Variants in ZFPM2 observed in about 807,000 individuals in gnomAD.
The protein encoded by ZFPM2 is zinc finger protein, FOG family member 2, also known as zinc finger protein ZFPM2.
Under a neutral mutation model 98.6 loss-of-function variants are expected in ZFPM2, and 20 were observed. That is an observed-to-expected ratio of 0.20 (90% CI 0.14 to 0.29). The LOEUF (loss-of-function observed/expected upper bound fraction) is 0.29, where lower values mean the gene tolerates loss of function less well. Ranked by LOEUF, ZFPM2 falls within the 10% of genes least tolerant of loss-of-function variation. The pLI is 1.00. For synonymous variants in ZFPM2, 518 were observed against 502.7 expected (o/e 1.03, Z -0.41); for missense variants, 1,310 against 1,388.6 (o/e 0.94, Z 0.90).
At chr8:105,798,605 G>C in intron 6 of ZFPM2, 119 bp from the exon 7 acceptor site, 1 of 775,176 alleles carries the variant, frequency 1.3e-6, no homozygotes, top group Non-Finnish European at 2.1e-6. Context: ...TTACTCATCT[G>C]ATTGCCCAAT....
intron 1 of ZFPM2, among the ~76,000 whole-genome samples, chr8:105,405,962 G>A (rs1811448251): frequency 6.6e-6 from 1 of 152,040 alleles, no homozygotes; most frequent in African/African-American, 2.4e-5. Flanking sequence ...ACTTTTTAAT[G>A]ATCGCCATTC....
At chr8:105,319,023 C>T (rs1448824114) in intron 1 of ZFPM2, 42 bp downstream of exon 1, 7 of 1,480,776 alleles carry the variant, frequency 4.7e-6, no homozygotes, top group South Asian at 2.6e-5. Flanking sequence ...GGATTATTGC[C>T]CAGGAGCGGG....
At chr8:105,797,442 T>C (rs1267932568) in intron 6 of ZFPM2, among the ~76,000 whole-genome samples, 1 of 152,232 alleles carries the variant, frequency 6.6e-6, no homozygotes, top group Non-Finnish European at 1.5e-5. Context: ...TCCACTGCTA[T>C]GATTCTGATT....
intron 3 of ZFPM2, among the ~76,000 whole-genome samples, chr8:105,520,532 A>G (rs939442695): frequency 6.6e-6 from 1 of 152,160 alleles, no homozygotes; most frequent in Non-Finnish European, 1.5e-5. Flanking sequence ...CATTGTGGGT[A>G]CACGCTCACA....
At chr8:105,379,833 T>C (rs558033466) in intron 1 of ZFPM2, among the ~76,000 whole-genome samples, 1 of 152,248 alleles carries the variant, frequency 6.6e-6, no homozygotes, top group East Asian at 1.9e-4. Context: ...CAATATTAAT[T>C]TTCTTTTTTG....
At chr8:105,504,988 T>A (rs1055975395) in intron 3 of ZFPM2, among the ~76,000 whole-genome samples, 10 of 152,146 alleles carry the variant, frequency 6.6e-5, no homozygotes, top group African/African-American at 2.4e-4. Context: ...GAAACAAACA[T>A]ATTTGACTAT....
In ZFPM2 at chr8:105,801,897, C is replaced by T; in HGVS notation, c.1815C>T (p.Asn605=). 6.2e-7 allele frequency: 1 copy of T among 1,613,946 alleles called. No individual in the cohort carries two copies. The highest frequency in any genetic ancestry group is 8.5e-7 in the Non-Finnish European group (1 of 1,179,876). The part of the protein sequence containing the change: ...LSPNTGQTSI[N]LLNPAAHSAD... ...CCAACACTGGCCAAACCTCCATAAACCTTCTCAACCCAGCTGCTCATTCTG... is the reference window on the plus strand; with the variant it reads ...CCAACACTGGCCAAACCTCCATAAATCTTCTCAACCCAGCTGCTCATTCTG... Residue 605 remains asparagine (N), a synonymous_variant, in exon 8 of 8, where the codon AAC becomes AAT. Coordinates refer to ENST00000407775, the MANE Select transcript of ZFPM2 (RefSeq NM_012082.4).
intron 1 of ZFPM2, among the ~76,000 whole-genome samples, chr8:105,330,620 A>ACG (rs1406852097): frequency 5.7e-5 from 3 of 52,282 alleles, no homozygotes; most frequent in African/African-American, 2.8e-4. Context: ...ACACATATAT[A>ACG]TATATATATA....
chr8:105,492,014 A>G (rs1275160408), intron 3 of ZFPM2, among the ~76,000 whole-genome samples: 2 of 152,150 alleles, frequency 1.3e-5, no homozygotes, highest in African/African-American at 4.8e-5. Flanking sequence ...CATCTCTTAT[A>G]ATTTTAGACT....
chr8:105,451,695 C>G (rs1273207396), intron 3 of ZFPM2: 1 of 152,112 alleles, frequency 6.6e-6, no homozygotes, highest in African/African-American at 2.4e-5. Flanking sequence ...CGTCATGGCC[C>G]TCGGAGGGAA....
intron 5 of ZFPM2, among the ~76,000 whole-genome samples, chr8:105,637,209 A>G (rs1816862831): frequency 6.6e-6 from 1 of 152,142 alleles, no homozygotes; most frequent in Non-Finnish European, 1.5e-5. Flanking sequence ...CTACGTCTTG[A>G]CAGCTCCAAA....
intron 3 of ZFPM2, among the ~76,000 whole-genome samples, chr8:105,553,380 A>G (rs1814908495): frequency 6.6e-6 from 1 of 152,202 alleles, no homozygotes; most frequent in Non-Finnish European, 1.5e-5. Context: ...GATGCTGTAC[A>G]CATTGATTTC....
At chr8:105,343,685 G>A (rs928929039) in intron 1 of ZFPM2, among the ~76,000 whole-genome samples, 1 of 152,114 alleles carries the variant, frequency 6.6e-6, no homozygotes, top group Non-Finnish European at 1.5e-5. Context: ...GCATGGAAGC[G>A]AAGGTTTGCC....
At chr8:105,705,823 T>C (rs1351305249) in intron 5 of ZFPM2, among the ~76,000 whole-genome samples, 1 of 152,162 alleles carries the variant, frequency 6.6e-6, no homozygotes, top group African/African-American at 2.4e-5. Flanking sequence ...TTCTCCAAAA[T>C]GCACTTGCTA....
chr8:105,377,885 A>G (rs1364041178), intron 1 of ZFPM2, among the ~76,000 whole-genome samples: 2 of 152,120 alleles, frequency 1.3e-5, no homozygotes, highest in African/African-American at 4.8e-5. Flanking sequence ...CCCTCTTAAC[A>G]ACAATTTGAT....
At chr8:105,673,144 TA>T (rs1817626023) in intron 5 of ZFPM2, among the ~76,000 whole-genome samples, 2 of 151,482 alleles carry the variant, frequency 1.3e-5, no homozygotes, top group Admixed American at 6.6e-5. Context: ...AACTTAAATA[TA>T]TTTTTTTTCA....
chr8:105,391,574 C>T (rs527412628), intron 1 of ZFPM2, among the ~76,000 whole-genome samples: 25 of 151,786 alleles, frequency 1.6e-4, no homozygotes, highest in Admixed American at 3.9e-4. Context: ...ACTTATGCGT[C>T]GTCAATAATG....
At chr8:105,433,880 G>A (rs1043147735) in intron 2 of ZFPM2, among the ~76,000 whole-genome samples, 5 of 152,114 alleles carry the variant, frequency 3.3e-5, no homozygotes, top group African/African-American at 9.7e-5. Flanking sequence ...CCTCATCTGC[G>A]GTCCTCAAAT....
intron 2 of ZFPM2, among the ~76,000 whole-genome samples, chr8:105,442,248 G>A (rs1812268308): frequency 6.6e-6 from 1 of 152,010 alleles, no homozygotes. Flanking sequence ...GGAAGCTGAG[G>A]CAGGAGAATG....
Sources: gnomAD v4.1 joint callset for allele counts (sites outside exome capture counted in the v4.1 genomes callset) on GRCh38, gnomAD v4.1.1 for gene constraint, MANE v1.5 for transcripts, NCBI Gene and HGNC (gene_info 2026-07-23, HGNC 2026-07-21) for gene names.